The following RORA variants were observed in gnomAD, a reference collection of about 807,000 sequenced individuals.
RORA encodes RAR related orphan receptor A.
RORA carries 7 observed loss-of-function variants against 69.5 expected under a neutral mutation model. That is an observed-to-expected ratio of 0.10 (90% CI 0.06 to 0.19). The LOEUF (loss-of-function observed/expected upper bound fraction) is 0.19. Ranked by LOEUF, RORA falls within the 10% of genes least tolerant of loss-of-function variation. The pLI is 1.00. For synonymous variants in RORA, 261 were observed against 240.8 expected (o/e 1.08, Z -0.78); for missense variants, 457 against 663.0 (o/e 0.69, Z 3.41).
chr15:61,100,814 G>T (rs1336289538), intron 1 of RORA, among the ~76,000 whole-genome samples: 1 of 152,212 alleles, frequency 6.6e-6, no homozygotes, highest in Non-Finnish European at 1.5e-5. Flanking sequence ...ATGTCTTTCT[G>T]AGATTTGGGA....
intron 1 of RORA, among the ~76,000 whole-genome samples, chr15:60,909,570 G>T (rs991639406): frequency 1.3e-5 from 2 of 152,156 alleles, no homozygotes; most frequent in Non-Finnish European, 2.9e-5. Flanking sequence ...AGAGTCACAA[G>T]TTATTTATAA....
At chr15:60,830,216 T>C (rs771207269) in intron 1 of RORA, among the ~76,000 whole-genome samples, 8 of 152,182 alleles carry the variant, frequency 5.3e-5, no homozygotes, top group South Asian at 2.1e-4. Flanking sequence ...GGCATTCAAA[T>C]AGAAGAAAGA....
At chr15:61,138,652 T>C (rs1225483912) in intron 1 of RORA, among the ~76,000 whole-genome samples, 1 of 151,894 alleles carries the variant, frequency 6.6e-6, no homozygotes, top group African/African-American at 2.4e-5. Flanking sequence ...CTCCTAGAGA[T>C]ACAGGGAGGG....
intron 1 of RORA, among the ~76,000 whole-genome samples, chr15:61,172,324 G>A (rs768000488): frequency 5.9e-5 from 9 of 151,990 alleles, no homozygotes; most frequent in Non-Finnish European, 1.0e-4. Flanking sequence ...CCTTTCTTAC[G>A]GTGGCACAAA....
chr15:60,655,246 AT>A (rs952949740), intron 2 of RORA, among the ~76,000 whole-genome samples: 2 of 152,088 alleles, frequency 1.3e-5, no homozygotes, highest in African/African-American at 4.8e-5. Context: ...GATTTAAAAA[AT>A]TCTCTCTTTC....
At chr15:60,657,854 C>T (rs913473492) in intron 2 of RORA, among the ~76,000 whole-genome samples, 2 of 152,202 alleles carry the variant, frequency 1.3e-5, no homozygotes, top group Non-Finnish European at 2.9e-5. Context: ...GTTCCTCCTT[C>T]ACTGCTCTTC....
At chr15:60,959,164 G>A (rs1288184913) in intron 1 of RORA, among the ~76,000 whole-genome samples, 1 of 152,180 alleles carries the variant, frequency 6.6e-6, no homozygotes, top group Non-Finnish European at 1.5e-5. Context: ...TTGTGTAAGA[G>A]GAATAGAAAT....
At chr15:60,859,044 C>T (rs1195936307) in intron 1 of RORA, among the ~76,000 whole-genome samples, 2 of 151,572 alleles carry the variant, frequency 1.3e-5, no homozygotes, top group Non-Finnish European at 2.9e-5. Flanking sequence ...GTCTGCTCCA[C>T]AGAAAGACGT....
intron 2 of RORA, among the ~76,000 whole-genome samples, chr15:60,623,829 T>C (rs1056988843): frequency 1.3e-5 from 2 of 152,256 alleles, no homozygotes; most frequent in African/African-American, 4.8e-5. Flanking sequence ...TTGATCATTT[T>C]TGACCCAGGA....
intron 1 of RORA, among the ~76,000 whole-genome samples, chr15:60,888,391 A>G (rs2073775393): frequency 6.6e-6 from 1 of 152,210 alleles, no homozygotes; most frequent in African/African-American, 2.4e-5. Context: ...AGTGTGGTGA[A>G]AAGGACATGT....
intron 2 of RORA, among the ~76,000 whole-genome samples, chr15:60,612,661 G>GTTTTTTT (rs71122864): frequency 2.2e-4 from 24 of 107,134 alleles, no homozygotes; most frequent in Non-Finnish European, 3.7e-4. Context: ...CTCTCTCTCT[G>GTTTTTTT]TTTTTTTTTT....
intron 1 of RORA, among the ~76,000 whole-genome samples, chr15:60,983,075 C>G (rs1894095285): frequency 1.3e-5 from 2 of 152,042 alleles, no homozygotes; most frequent in African/African-American, 4.8e-5. Context: ...TTAGTGCCAC[C>G]CCCTACTACA....
At chr15:60,880,495 T>C (rs994096956) in intron 1 of RORA, among the ~76,000 whole-genome samples, 1 of 152,058 alleles carries the variant, frequency 6.6e-6, no homozygotes, top group Non-Finnish European at 1.5e-5. Context: ...AAAAATTAGC[T>C]GGGCGTGGTG....
At chr15:61,197,239 G>C (rs1375298990) in intron 1 of RORA, among the ~76,000 whole-genome samples, 3 of 152,212 alleles carry the variant, frequency 2.0e-5, no homozygotes, top group Non-Finnish European at 4.4e-5. Context: ...AAGGCACTTA[G>C]GGGGCCTAAT....
At chr15:61,031,945 A>G (rs1480059428) in intron 1 of RORA, among the ~76,000 whole-genome samples, 1 of 152,204 alleles carries the variant, frequency 6.6e-6, no homozygotes, top group East Asian at 1.9e-4. Flanking sequence ...GTTGGAAGAT[A>G]TATGTTCCTC....
chr15:60,505,602 G>A lies in RORA; in HGVS notation c.848C>T (p.Ser283Leu). Residue 283 changes from serine (S) to leucine (L), a missense_variant, in exon 6 of 11, where the codon TCG (serine) becomes TTG (leucine). Ser to Leu is a moderately radical substitution (Grantham distance 145). This residue lies in a region of RORA where 304 missense variants were observed against 447.4 expected (regional missense o/e 0.68). Coordinates refer to ENST00000335670, the MANE Select transcript of RORA (RefSeq NM_134261.3). ...LEHLAQNISKSHLETCQYLRE... is the reference protein window; with the variant it reads ...LEHLAQNISKLHLETCQYLRE... ...CAAGTATTGGCAGGTTTCCAGATGC[G>A]ATTTAGATATATTCTGTGCAAGGTG... 1.2e-6 allele frequency: 2 copies of A among 1,613,952 alleles called. No individual in the cohort carries two copies. The highest frequency in any genetic ancestry group is 1.7e-6 in the Non-Finnish European group (2 of 1,179,882).
At chr15:61,059,997 A>G (rs867905182) in intron 1 of RORA, among the ~76,000 whole-genome samples, 8 of 97,444 alleles carry the variant, frequency 8.2e-5, no homozygotes, top group African/African-American at 2.1e-4. Context: ...AGGAAGAAGA[A>G]GAAGAAGAAG....
chr15:61,025,501 TC>T (rs879652937), intron 1 of RORA, among the ~76,000 whole-genome samples: 10 of 152,154 alleles, frequency 6.6e-5, no homozygotes, highest in Non-Finnish European at 1.2e-4. Context: ...TCTTAGAACT[TC>T]TTCCAGTTTC....
chr15:60,795,872 T>A (rs1452324852), intron 1 of RORA, among the ~76,000 whole-genome samples: 2 of 152,230 alleles, frequency 1.3e-5, no homozygotes, highest in African/African-American at 4.8e-5. Flanking sequence ...TGGAGATAAC[T>A]TTGGGAAATT....
Sources: gnomAD v4.1 joint callset for allele counts (sites outside exome capture counted in the v4.1 genomes callset) on GRCh38, gnomAD v4.1.1 for gene constraint, gnomAD v4.1.1 regional missense constraint, MANE v1.5 for transcripts, NCBI Gene and HGNC (gene_info 2026-07-23, HGNC 2026-07-21) for gene names.